ITPR2: variants seen among roughly 807,000 people sequenced by gnomAD.
ITPR2 encodes inositol 1,4,5-trisphosphate-gated calcium channel ITPR2.
In ITPR2, 207 loss-of-function variants were observed where a neutral mutation model predicts 317.1. That is an observed-to-expected ratio of 0.65 (90% CI 0.58 to 0.73). The LOEUF (loss-of-function observed/expected upper bound fraction) is 0.73, where lower values mean the gene tolerates loss of function less well. ITPR2 is among the 30% of genes least tolerant of loss of function. The probability of loss-of-function intolerance (pLI) is 0.00; values close to 1 mark genes in which losing one functional copy is unlikely to be tolerated. For synonymous variants in ITPR2, 1,156 were observed against 1,149.1 expected, an observed-to-expected ratio of 1.01 and a Z score of -0.12; for missense variants, 2,613 against 3,284.0, an observed-to-expected ratio of 0.80 and a Z score of 4.99.
chr12:26,462,974 T>G (rs1414149878), intron 45 of ITPR2, among the ~76,000 whole-genome samples: 1 of 152,134 alleles, frequency 6.6e-6, no homozygotes, highest in African/African-American at 2.4e-5. Flanking sequence ...GCCTGAGCTA[T>G]AGTTAAGCTT....
intron 37 of ITPR2, among the ~76,000 whole-genome samples, chr12:26,506,713 G>A (rs1381553568): frequency 6.6e-6 from 1 of 151,980 alleles, no homozygotes; most frequent in Non-Finnish European, 1.5e-5. Context: ...TAATGCAAGA[G>A]AACACACTAA....
chr12:26,795,990 C>CA (rs202092845), intron 1 of ITPR2, among the ~76,000 whole-genome samples: 5 of 111,702 alleles, frequency 4.5e-5, no homozygotes, highest in East Asian at 2.6e-4. Context: ...TTTCCAAAAA[C>CA]AAAAAAAAAG....
At chr12:26,405,297 G>A (rs544815307) in intron 52 of ITPR2, among the ~76,000 whole-genome samples, 11 of 152,276 alleles carry the variant, frequency 7.2e-5, no homozygotes, top group African/African-American at 1.2e-4. Context: ...AGTGCTTGGC[G>A]TATAGTTAGG....
intron 48 of ITPR2, among the ~76,000 whole-genome samples, chr12:26,433,548 T>C (rs996118603): frequency 4.3e-5 from 4 of 92,764 alleles, no homozygotes; most frequent in South Asian, 9.9e-4. Flanking sequence ...GAGTTCTTCA[T>C]GGTGATTTCA....
At chr12:26,759,483 G>GTCA (rs1312127864) in intron 2 of ITPR2, among the ~76,000 whole-genome samples, 1 of 152,116 alleles carries the variant, frequency 6.6e-6, no homozygotes, top group Non-Finnish European at 1.5e-5. Flanking sequence ...ATTATGAGGT[G>GTCA]TCATCCTGTT....
chr12:26,339,111 C>G lies in ITPR2; in HGVS notation c.*286G>C, dbSNP rs1198148000. 1 of 308,632 alleles carries G rather than the reference C, an allele frequency of 3.2e-6. No homozygotes were observed. The highest frequency in any genetic ancestry group is 6.0e-6 in the Non-Finnish European group (1 of 166,302). The allele number at this position is 308,632 out of a possible 1,614,324, so 19.1% of individuals were successfully genotyped here. On this transcript the variant is annotated 3_prime_UTR_variant, in exon 57 of 57. Transcript: ENST00000381340. The stretch of plus-strand genomic sequence containing the variant: ...CTCCCTGCCCCGTGTCTCCTTCCAT[C>G]CTGCCGCTCCCTGCCCTCTCCAGCC...
At chr12:26,391,360 A>G (rs7960020) in intron 54 of ITPR2, among the ~76,000 whole-genome samples, 56,564 of 151,722 alleles carry the variant, frequency 0.37, 11,010 homozygotes, top group East Asian at 0.46. Context: ...CTGGGCAGGA[A>G]AAATGGCATG....
intron 50 of ITPR2, among the ~76,000 whole-genome samples, chr12:26,418,660 T>C (rs1053174873): frequency 2.6e-5 from 4 of 152,144 alleles, no homozygotes; most frequent in South Asian, 2.1e-4. Flanking sequence ...TAATTTTTGA[T>C]ATTATAAATA....
chr12:26,617,662 G>GGAGGGAAGGAA (rs1946400035), intron 26 of ITPR2, among the ~76,000 whole-genome samples: 1 of 122,288 alleles, frequency 8.2e-6, no homozygotes, highest in Non-Finnish European at 1.7e-5. Context: ...GAGGGACGGA[G>GGAGGGAAGGAA]GGAGGGAAGG....
At chr12:26,521,998 T>C (rs1943679147) in intron 37 of ITPR2, among the ~76,000 whole-genome samples, 1 of 152,232 alleles carries the variant, frequency 6.6e-6, no homozygotes, top group African/African-American at 2.4e-5. Flanking sequence ...TTTCCCACTA[T>C]ATTCTTTTGA....
At chr12:26,422,135 T>G (rs1940916840) in intron 49 of ITPR2, among the ~76,000 whole-genome samples, 1 of 150,250 alleles carries the variant, frequency 6.7e-6, no homozygotes, top group Admixed American at 6.7e-5. Flanking sequence ...TATTTACTAA[T>G]TATTTACTAA....
At chr12:26,818,785 C>T (rs774700426) in intron 1 of ITPR2, among the ~76,000 whole-genome samples, 5 of 152,000 alleles carry the variant, frequency 3.3e-5, no homozygotes, top group African/African-American at 9.7e-5. Flanking sequence ...AAGATCTACC[C>T]GAAATGCAAA....
At chr12:26,689,557 C>T (rs775391046) in intron 10 of ITPR2, among the ~76,000 whole-genome samples, 6 of 152,104 alleles carry the variant, frequency 3.9e-5, no homozygotes, top group Admixed American at 2.0e-4. Context: ...ACATCATGTA[C>T]CTCAACATGA....
intron 2 of ITPR2, among the ~76,000 whole-genome samples, chr12:26,735,054 G>A (rs1043495815): frequency 2.2e-5 from 3 of 138,750 alleles, no homozygotes; most frequent in Admixed American, 7.9e-5. Context: ...AAGCCAGAGT[G>A]CAATGGCACG....
intron 14 of ITPR2, among the ~76,000 whole-genome samples, chr12:26,665,592 T>C (rs1314242167): frequency 1.3e-5 from 2 of 152,158 alleles, no homozygotes; most frequent in Non-Finnish European, 2.9e-5. Flanking sequence ...GCAAGCTGCC[T>C]TGTCTTGAGG....
At chr12:26,465,758 T>C (rs996792445) in intron 45 of ITPR2, among the ~76,000 whole-genome samples, 1 of 152,142 alleles carries the variant, frequency 6.6e-6, no homozygotes, top group Non-Finnish European at 1.5e-5. Flanking sequence ...AATAAAGGTA[T>C]ACTCCATGGG....
chr12:26,566,918 T>A (rs1298673211), intron 34 of ITPR2, among the ~76,000 whole-genome samples: 3 of 152,176 alleles, frequency 2.0e-5, no homozygotes, highest in Admixed American at 6.5e-5. Context: ...GATCAAATCC[T>A]GGCAAGATTT....
chr12:26,532,085 T>G (rs993717056), intron 37 of ITPR2, among the ~76,000 whole-genome samples: 1 of 152,236 alleles, frequency 6.6e-6, no homozygotes, highest in African/African-American at 2.4e-5. Flanking sequence ...TACTATGACA[T>G]GAGTCATTTT....
At chr12:26,640,031 A>C (rs1316576833) in intron 21 of ITPR2, among the ~76,000 whole-genome samples, 1 of 152,162 alleles carries the variant, frequency 6.6e-6, no homozygotes, top group Non-Finnish European at 1.5e-5. Flanking sequence ...AGCATTCGAT[A>C]AGTTTGTGTT....
Sources: allele counts gnomAD v4.1 joint callset (sites outside exome capture counted in the v4.1 genomes callset), GRCh38; gene constraint gnomAD v4.1.1; transcripts MANE v1.5; gene names NCBI Gene and HGNC (gene_info 2026-07-23, HGNC 2026-07-21).